Variants in PRDM2 observed in about 807,000 individuals in gnomAD.
PRDM2 encodes PR/SET domain 2.
Under a neutral mutation model 130.0 loss-of-function variants are expected in PRDM2, and 30 were observed. The observed-to-expected ratio is 0.23, with a 90% CI of 0.17 to 0.31. The LOEUF is 0.31. PRDM2 is among the 10% of genes least tolerant of loss of function. The pLI, the probability that PRDM2 is intolerant of heterozygous loss-of-function variation, is 1.00. For synonymous variants in PRDM2, 871 were observed against 782.4 expected, an observed-to-expected ratio of 1.11 and a Z score of -1.89; for missense variants, 2,011 against 2,108.4, an observed-to-expected ratio of 0.95 and a Z score of 0.90.
At chr1:13,737,003 G>A (rs952153645) in intron 4 of PRDM2, among the ~76,000 whole-genome samples, 10 of 152,198 alleles carry the variant, frequency 6.6e-5, no homozygotes, top group African/African-American at 1.2e-4. Context: ...ATCAGTCAGC[G>A]CTGCTATGAT....
At chr1:13,745,480 A>G (rs1643574729) in intron 5 of PRDM2, among the ~76,000 whole-genome samples, 1 of 150,254 alleles carries the variant, frequency 6.7e-6, no homozygotes, top group Non-Finnish European at 1.5e-5. Context: ...GCTGGAGTGC[A>G]ATGGCGTGAT....
Position 13,815,300 on chromosome 1 carries a change from C to T in PRDM2, c.5037-1127C>T, listed in dbSNP as rs188975488. 7.5e-3 allele frequency among the ~76,000 whole-genome samples: 1,140 copies of T among 152,054 alleles called. 12 individuals carry two copies. Among genetic ancestry groups the T allele is most frequent in the Non-Finnish European group, 0.01 (710 of 67,978 alleles). On this transcript the variant is annotated intron_variant, in intron 8 of 9. Transcript: ENST00000311066. ...TTTTTTTTTGTATTTTTAGTAGAGA[C>T]AGGGTTTCACCATGTTCGCCAGGCT...
chr1:13,752,527 A>G (rs926022228), intron 6 of PRDM2, among the ~76,000 whole-genome samples: 3 of 152,204 alleles, frequency 2.0e-5, no homozygotes, highest in African/African-American at 7.2e-5. Flanking sequence ...TCAAATTTAG[A>G]AGTATTTCTC....
At chr1:13,793,401 T>G (rs1644872971) in intron 8 of PRDM2, among the ~76,000 whole-genome samples, 1 of 152,198 alleles carries the variant, frequency 6.6e-6, no homozygotes, top group Non-Finnish European at 1.5e-5. Flanking sequence ...CTAAGGAAAT[T>G]GCCAGGTCTT....
chr1:13,731,090 C>T lies in PRDM2; in HGVS notation c.100C>T (p.Pro34Ser), dbSNP rs1223711869. The T allele has an allele frequency of 1.9e-6, 3 of 1,612,876 alleles. No individual in the cohort carries two copies. In the African/African-American group the frequency reaches 4.0e-5, roughly 22 times the overall value. ...ACTTCCGGAGGAAGTGAGGCTTTTC[C>T]CTTCTGCTGTTGACAAGACCCGGAT... ...RGLPEEVRLF[P>S]SAVDKTRIGV... Residue 34 changes from proline (P) to serine (S), a missense_variant, in exon 3 of 10, where the codon CCT becomes TCT. By Grantham distance (74) the Pro-to-Ser change is moderately conservative (BLOSUM62 -1). Transcript: ENST00000311066.
chr1:13,718,132 A>G (rs2100424451), intron 2 of PRDM2, among the ~76,000 whole-genome samples: 1 of 152,342 alleles, frequency 6.6e-6, no homozygotes, highest in Admixed American at 6.5e-5. Flanking sequence ...GAAAAACTGA[A>G]AAATAACCAC....
chr1:13,730,866 G>C (rs980741985), intron 2 of PRDM2, 134 bp from the exon 3 acceptor site: 5 of 609,980 alleles, frequency 8.2e-6, no homozygotes, highest in South Asian at 4.4e-5. Flanking sequence ...TGACATCATC[G>C]TTTTGGTCTG....
chr1:13,749,557 C>T (rs1168612533), intron 6 of PRDM2, 70 bp downstream of exon 6: 3 of 1,059,812 alleles, frequency 2.8e-6, no homozygotes, highest in East Asian at 1.7e-4. Flanking sequence ...CTGCCGCCCT[C>T]GCTGCTGCTG....
intron 1 of PRDM2, 30 bp from the exon 2 acceptor site, chr1:13,715,511 C>T (rs1642505445): frequency 2.4e-5 from 26 of 1,090,498 alleles, no homozygotes; most frequent in Non-Finnish European, 3.0e-5. Flanking sequence ...TAGGCAGGTA[C>T]ATATTACAAT....
chr1:13,702,288 T>C (rs983476635), intron 1 of PRDM2, among the ~76,000 whole-genome samples: 11 of 152,238 alleles, frequency 7.2e-5, no homozygotes, highest in African/African-American at 2.7e-4. Flanking sequence ...CACTAACTAG[T>C]CAATATTATG....
intron 8 of PRDM2, among the ~76,000 whole-genome samples, chr1:13,790,594 A>C (rs1380854436): frequency 6.6e-6 from 1 of 152,164 alleles, no homozygotes; most frequent in African/African-American, 2.4e-5. Context: ...ACACAGTATT[A>C]TGGGATAAGA....
chr1:13,748,626 G>A (rs568853091), intron 5 of PRDM2, among the ~76,000 whole-genome samples: 2 of 152,222 alleles, frequency 1.3e-5, no homozygotes, highest in East Asian at 3.9e-4. Context: ...TCTTTTCTTC[G>A]GGATCTTGTT....
intron 1 of PRDM2, 79 bp from the exon 2 acceptor site, chr1:13,715,462 C>G (rs1401318986): frequency 1.5e-5 from 9 of 592,086 alleles, no homozygotes; most frequent in Non-Finnish European, 2.5e-5. Context: ...TCAGCAAACT[C>G]TACAGTTCTG....
rs184999584 is a variant in PRDM2, at chr1:13,759,337, G to A, written c.511+9850G>A. On this transcript the variant is annotated intron_variant, in intron 6 of 9. Transcript: ENST00000311066. ...TTAGAACCCCAAGACGGAATTATGT[G>A]CAATGTTTGAAGTTGCAATGCCGTT... Among the ~76,000 whole-genome samples the A allele has an allele frequency of 7.9e-5, 12 of 152,256 alleles. No homozygotes were observed. The East Asian group carries it at 2.3e-3, about 29-fold the overall frequency.
intron 5 of PRDM2, among the ~76,000 whole-genome samples, chr1:13,748,280 C>T (rs1466842895): frequency 6.6e-6 from 1 of 152,098 alleles, no homozygotes; most frequent in Non-Finnish European, 1.5e-5. Flanking sequence ...AAACTTTTAC[C>T]TACTTTTAGC....
intron 5 of PRDM2, among the ~76,000 whole-genome samples, chr1:13,749,127 C>G (rs1394901697): frequency 6.6e-6 from 1 of 152,094 alleles, no homozygotes; most frequent in Admixed American, 6.5e-5. Flanking sequence ...GTCACCGGGC[C>G]TTCCGCGCCC....
Position 13,820,277 on chromosome 1 carries a change from C to T in PRDM2, c.*24-2882C>T, listed in dbSNP as rs1232292585. Reference sequence around the variant, plus strand: ...CTTGCCCATTCCGGATTCAAGGCTTCGTCACCCGTCTCCCGGACAGTTTGA... The same window carrying T: ...CTTGCCCATTCCGGATTCAAGGCTTTGTCACCCGTCTCCCGGACAGTTTGA... On this transcript the variant is annotated intron_variant, in intron 9 of 9. Transcript: ENST00000311066. 2.6e-5 allele frequency among the ~76,000 whole-genome samples: 4 copies of T among 152,200 alleles called. No individual in the cohort carries two copies. In the East Asian group the frequency reaches 5.8e-4, roughly 22 times the overall value.
At chr1:13,710,019 C>T (rs1642320339) in intron 1 of PRDM2, among the ~76,000 whole-genome samples, 3 of 152,078 alleles carry the variant, frequency 2.0e-5, no homozygotes, top group Non-Finnish European at 4.4e-5. Context: ...TGTATTTTCC[C>T]AATTCTGTCC....
At chr1:13,708,990 C>T (rs72869934) in intron 1 of PRDM2, among the ~76,000 whole-genome samples, 2,432 of 152,084 alleles carry the variant, frequency 0.016, 70 homozygotes, top group African/African-American at 0.056. Flanking sequence ...TTTTTTAGTA[C>T]GAAGCTAGAT....
Sources: allele counts gnomAD v4.1 joint callset (sites outside exome capture counted in the v4.1 genomes callset), GRCh38; gene constraint gnomAD v4.1.1; transcripts MANE v1.5; gene names NCBI Gene and HGNC (gene_info 2026-07-23, HGNC 2026-07-21).